NELL1: variants seen among roughly 807,000 people sequenced by gnomAD.
NELL1 encodes the protein protein kinase C-binding protein NELL1.
In NELL1, 76 loss-of-function variants were observed where a neutral mutation model predicts 107.4. The ratio of observed to expected loss-of-function variants is 0.71; its 90% CI spans 0.59 to 0.86. The LOEUF is 0.86. NELL1 is among the 40% of genes least tolerant of loss of function. NELL1 has a pLI of 0.00. For missense variants in NELL1, 1,024 were observed against 1,005.5 expected, an observed-to-expected ratio of 1.02 and a Z score of -0.25; for synonymous variants, 353 against 341.2, an observed-to-expected ratio of 1.03 and a Z score of -0.38.
intron 13 of NELL1, among the ~76,000 whole-genome samples, chr11:21,178,745 C>G (rs558881896): frequency 4.1e-5 from 6 of 146,972 alleles, no homozygotes; most frequent in African/African-American, 1.5e-4. Flanking sequence ...GCCTTGGGGA[C>G]AGAGTGAGAA....
intron 13 of NELL1, among the ~76,000 whole-genome samples, chr11:21,131,250 G>A (rs1278786103): frequency 1.3e-5 from 2 of 152,116 alleles, no homozygotes; most frequent in Non-Finnish European, 2.9e-5. Context: ...AATTAAGAAG[G>A]TAGACTCTGG....
chr11:20,722,422 G>T (rs1855413435), intron 2 of NELL1, among the ~76,000 whole-genome samples: 1 of 152,032 alleles, frequency 6.6e-6, no homozygotes, highest in African/African-American at 2.4e-5. Context: ...TATGGAATTG[G>T]GCAACTTGGT....
At chr11:21,218,587 C>T (rs898852286) in intron 13 of NELL1, among the ~76,000 whole-genome samples, 4 of 152,128 alleles carry the variant, frequency 2.6e-5, no homozygotes, top group Middle Eastern at 3.2e-3. Context: ...AACACTACAA[C>T]TTATTCTTTA....
chr11:20,925,457 T>C (rs1021443307), intron 7 of NELL1, among the ~76,000 whole-genome samples: 7 of 130,982 alleles, frequency 5.3e-5, no homozygotes, highest in Admixed American at 3.1e-4. Flanking sequence ...TTTTTTTTTT[T>C]GTATTTGTAG....
chr11:21,239,671 A>G (rs1858301496), intron 14 of NELL1, among the ~76,000 whole-genome samples: 1 of 152,032 alleles, frequency 6.6e-6, no homozygotes. Context: ...ATGAGGTATC[A>G]TTACTTTTTT....
At chr11:21,264,917 A>G (rs1348877810) in intron 14 of NELL1, among the ~76,000 whole-genome samples, 1 of 152,030 alleles carries the variant, frequency 6.6e-6, no homozygotes, top group Non-Finnish European at 1.5e-5. Context: ...AAAAATAATA[A>G]TAAAACATAT....
At chr11:21,122,168 T>A (rs1420305098) in intron 13 of NELL1, among the ~76,000 whole-genome samples, 1 of 152,184 alleles carries the variant, frequency 6.6e-6, no homozygotes, top group Admixed American at 6.5e-5. Context: ...GCCCCTAGGG[T>A]GTTTGTGAAC....
At chr11:20,825,161 A>G (rs527942991) in intron 3 of NELL1, among the ~76,000 whole-genome samples, 4 of 151,554 alleles carry the variant, frequency 2.6e-5, no homozygotes, top group Non-Finnish European at 5.9e-5. Flanking sequence ...CAGAGGCTGT[A>G]TGGCAATGCC....
chr11:20,735,858 A>G (rs550421774), intron 2 of NELL1, among the ~76,000 whole-genome samples: 7 of 152,234 alleles, frequency 4.6e-5, no homozygotes, highest in African/African-American at 1.7e-4. Context: ...GGTCAGAGAT[A>G]TTATAACATA....
At chr11:21,217,866 A>G (rs1857656239) in intron 13 of NELL1, among the ~76,000 whole-genome samples, 1 of 152,198 alleles carries the variant, frequency 6.6e-6, no homozygotes, top group Non-Finnish European at 1.5e-5. Context: ...AAGGACAGCA[A>G]TGTGTCAATT....
At chr11:20,880,982 A>G (rs935035891) in intron 4 of NELL1, among the ~76,000 whole-genome samples, 4 of 152,136 alleles carry the variant, frequency 2.6e-5, no homozygotes, top group African/African-American at 9.7e-5. Context: ...CAACCTTTCC[A>G]CTTCCATTCC....
intron 12 of NELL1, among the ~76,000 whole-genome samples, chr11:21,077,683 C>T (rs1003352729): frequency 3.3e-5 from 5 of 150,508 alleles, no homozygotes; most frequent in African/African-American, 9.8e-5. Flanking sequence ...ACGGAGGTTG[C>T]AGTGAGCCAA....
At chr11:21,192,809 A>G (rs1295307474) in intron 13 of NELL1, among the ~76,000 whole-genome samples, 1 of 151,878 alleles carries the variant, frequency 6.6e-6, no homozygotes, top group Non-Finnish European at 1.5e-5. Context: ...AGTCTAGTCA[A>G]TAGAGGTCAC....
chr11:21,380,446 C>T (rs750661283), intron 15 of NELL1, among the ~76,000 whole-genome samples: 2 of 152,040 alleles, frequency 1.3e-5, no homozygotes, highest in Non-Finnish European at 2.9e-5. Context: ...ATGAGAGGAG[C>T]TTAAACCTGC....
chr11:21,003,031 T>C (rs1263686563), intron 12 of NELL1, among the ~76,000 whole-genome samples: 1 of 152,180 alleles, frequency 6.6e-6, no homozygotes, highest in Non-Finnish European at 1.5e-5. Context: ...GATTTCTTTT[T>C]TGTATTTTTA....
intron 14 of NELL1, among the ~76,000 whole-genome samples, chr11:21,363,195 G>A (rs984352620): frequency 8.5e-5 from 13 of 152,256 alleles, no homozygotes; most frequent in African/African-American, 3.1e-4. Context: ...AATTCCACTG[G>A]TTGCCTGCCC....
At chr11:20,695,020 G>A (rs888119126) in intron 2 of NELL1, among the ~76,000 whole-genome samples, 5 of 151,908 alleles carry the variant, frequency 3.3e-5, no homozygotes, top group Admixed American at 3.3e-4. Context: ...CCATTGTTAG[G>A]TGTGTTTCTA....
chr11:20,879,389 CT>C, intron 4 of NELL1, among the ~76,000 whole-genome samples: 1 of 151,994 alleles, frequency 6.6e-6, no homozygotes, highest in East Asian at 1.9e-4. Flanking sequence ...AAGGGTAGTC[CT>C]GGATGAGAAC....
intron 4 of NELL1, among the ~76,000 whole-genome samples, chr11:20,853,791 G>A (rs762031483): frequency 2.0e-5 from 3 of 152,126 alleles, no homozygotes; most frequent in African/African-American, 7.2e-5. Flanking sequence ...CAGATCCTAA[G>A]CAAGGTTTGC....
Sources: allele counts gnomAD v4.1 joint callset (sites outside exome capture counted in the v4.1 genomes callset), GRCh38; gene constraint gnomAD v4.1.1; transcripts MANE v1.5; gene names NCBI Gene and HGNC (gene_info 2026-07-23, HGNC 2026-07-21).